Variants in DNAJC12 observed in about 807,000 individuals in gnomAD.
The protein encoded by DNAJC12 is DnaJ heat shock protein family (Hsp40) member C12, also known as dnaJ homolog subfamily C member 12.
In DNAJC12, 25 loss-of-function variants were observed where a neutral mutation model predicts 28.5. That is an observed-to-expected ratio of 0.88 (90% CI 0.64 to 1.22). The LOEUF (loss-of-function observed/expected upper bound fraction) is 1.22. DNAJC12 is among the 50% of genes most tolerant of loss of function. The probability of loss-of-function intolerance (pLI) is 0.00; values close to 1 mark genes in which losing one functional copy is unlikely to be tolerated. For synonymous variants in DNAJC12, 77 were observed against 80.6 expected, an observed-to-expected ratio of 0.95 and a Z score of 0.24; for missense variants, 222 against 231.7, an observed-to-expected ratio of 0.96 and a Z score of 0.27.
intron 3 of DNAJC12, among the ~76,000 whole-genome samples, chr10:67,810,360 AT>A (rs955586541): frequency 3.3e-5 from 5 of 152,072 alleles, no homozygotes; most frequent in African/African-American, 1.2e-4. Flanking sequence ...GCTATTGAAA[AT>A]TTTTTGAAGT....
chr10:67,838,159 C>G lies in DNAJC12; in HGVS notation c.-148G>C, dbSNP rs749523354. On this transcript the variant is annotated 5_prime_UTR_variant, in exon 1 of 5. Transcript: ENST00000225171. Reference sequence around the variant, plus strand: ...TTAAGACTGGCCACAGTCAATACACCAGATGTCATCCTAGACCTTTGTAAA... The same window carrying G: ...TTAAGACTGGCCACAGTCAATACACGAGATGTCATCCTAGACCTTTGTAAA... The G allele has an allele frequency of 1.6e-5, 9 of 565,644 alleles. No homozygotes were observed. Among genetic ancestry groups the G allele is most frequent in the Non-Finnish European group, 2.8e-5 (9 of 321,670 alleles). The allele number at this position is 565,644 out of a possible 1,614,324, so 35.0% of individuals were successfully genotyped here. A position where few individuals can be genotyped will look rare whatever the true frequency, so the allele number is the denominator to read the frequency against.
chr10:67,821,764 C>G (rs1399404341), intron 2 of DNAJC12, among the ~76,000 whole-genome samples: 2 of 152,120 alleles, frequency 1.3e-5, no homozygotes, highest in East Asian at 3.9e-4. Context: ...GGCTTACCTA[C>G]AGCAATGGCA....
At chr10:67,804,549 A>G (rs373081418) in intron 4 of DNAJC12, among the ~76,000 whole-genome samples, 2 of 152,278 alleles carry the variant, frequency 1.3e-5, no homozygotes, top group East Asian at 1.9e-4. Flanking sequence ...TATAATCCCT[A>G]TTTTATAGAT....
At chr10:67,824,001 G>A (rs908284953) in intron 1 of DNAJC12, among the ~76,000 whole-genome samples, 5 of 152,108 alleles carry the variant, frequency 3.3e-5, no homozygotes, top group South Asian at 2.1e-4. Context: ...ACTTTGGGAG[G>A]CTGAGGTGGG....
intron 1 of DNAJC12, chr10:67,834,121 G>A (rs1188521255): frequency 1.1e-5 from 5 of 447,882 alleles, no homozygotes; most frequent in African/African-American, 4.1e-5. Context: ...GTTCATTTTA[G>A]TTTATGTATA....
At chr10:67,800,097 C>A (rs1303071888) in intron 4 of DNAJC12, among the ~76,000 whole-genome samples, 3 of 151,466 alleles carry the variant, frequency 2.0e-5, no homozygotes, top group African/African-American at 7.3e-5. Flanking sequence ...GTGGTGCACA[C>A]CTGCAGTCCC....
At chr10:67,804,676 A>G (rs1841781135) in intron 4 of DNAJC12, among the ~76,000 whole-genome samples, 1 of 152,234 alleles carries the variant, frequency 6.6e-6, no homozygotes, top group African/African-American at 2.4e-5. Context: ...GTAAACTTCT[A>G]TAATACTCTG....
intron 2 of DNAJC12, among the ~76,000 whole-genome samples, chr10:67,814,888 C>T (rs1841898079): frequency 6.6e-6 from 1 of 152,112 alleles, no homozygotes; most frequent in Non-Finnish European, 1.5e-5. Flanking sequence ...GGAACTGTCA[C>T]ACATGACAGG....
intron 2 of DNAJC12, among the ~76,000 whole-genome samples, chr10:67,819,366 C>T (rs1235337969): frequency 6.6e-6 from 1 of 151,606 alleles, no homozygotes; most frequent in East Asian, 1.9e-4. Context: ...GGGCTAGGCT[C>T]GGTGGCACAT....
At chr10:67,834,520 T>G (rs1842124240) in intron 1 of DNAJC12, among the ~76,000 whole-genome samples, 1 of 152,126 alleles carries the variant, frequency 6.6e-6, no homozygotes, top group Non-Finnish European at 1.5e-5. Flanking sequence ...TTACTTCCAT[T>G]TACAGGTTAG....
At chr10:67,837,104 G>T (rs1842148703) in intron 1 of DNAJC12, among the ~76,000 whole-genome samples, 1 of 151,852 alleles carries the variant, frequency 6.6e-6, no homozygotes, top group Non-Finnish European at 1.5e-5. Flanking sequence ...ACTAAAAAGT[G>T]TACAAGGAAA....
At chr10:67,836,315 T>C (rs1189464502) in intron 1 of DNAJC12, among the ~76,000 whole-genome samples, 1 of 150,734 alleles carries the variant, frequency 6.6e-6, no homozygotes, top group Non-Finnish European at 1.5e-5. Flanking sequence ...TGTGTATCTA[T>C]GTAACAAACC....
At chr10:67,826,555 A>C (rs1436617200) in intron 1 of DNAJC12, among the ~76,000 whole-genome samples, 1 of 141,640 alleles carries the variant, frequency 7.1e-6, no homozygotes, top group Non-Finnish European at 1.5e-5. Flanking sequence ...TATATATAAG[A>C]TATCTAATAA....
intron 1 of DNAJC12, among the ~76,000 whole-genome samples, chr10:67,837,342 A>G (rs1217899201): frequency 6.6e-6 from 1 of 152,152 alleles, no homozygotes; most frequent in African/African-American, 2.4e-5. Context: ...TTTATTGAGA[A>G]CTTTAAAAAT....
At position 67,805,644 on chromosome 10, in the gene DNAJC12, C is replaced by T. The variant is rs768833056; in HGVS notation, c.441G>A (p.Thr147=). 24 of 1,613,328 alleles carry T rather than the reference C, an allele frequency of 1.5e-5. No individual in the cohort carries two copies. Among genetic ancestry groups the T allele is most frequent in the South Asian group, 1.4e-4 (13 of 90,992 alleles). Residue 147 remains threonine, a synonymous_variant, in exon 4 of 5, where the codon ACG becomes ACA. Coordinates refer to ENST00000225171, the MANE Select transcript of DNAJC12 (RefSeq NM_021800.3). Reference sequence around the variant, plus strand: ...CTAGGGGCTTGGGTTCTTTCTGCTCCGTTTTCTCTGCGGTTGAAGCCAGCT... The same window carrying T: ...CTAGGGGCTTGGGTTCTTTCTGCTCTGTTTTCTCTGCGGTTGAAGCCAGCT... ...KEELASTAEK[T]EQKEPKPLEK...
chr10:67,825,930 A>C (rs2131810097), intron 1 of DNAJC12, among the ~76,000 whole-genome samples: 1 of 152,286 alleles, frequency 6.6e-6, no homozygotes, highest in Admixed American at 6.5e-5. Context: ...TGAGAACTAG[A>C]CTTGTTTTTA....
At chr10:67,819,539 T>C (rs911286711) in intron 2 of DNAJC12, among the ~76,000 whole-genome samples, 36 of 151,134 alleles carry the variant, frequency 2.4e-4, no homozygotes, top group African/African-American at 8.5e-4. Context: ...CTCGGGAGGC[T>C]GAGGCACGAG....
intron 1 of DNAJC12, chr10:67,825,168 T>C (rs912792137): frequency 6.6e-6 from 1 of 152,214 alleles, no homozygotes; most frequent in Non-Finnish European, 1.5e-5. Context: ...AACCTGATCA[T>C]AATAAGAACT....
intron 1 of DNAJC12, among the ~76,000 whole-genome samples, chr10:67,831,478 C>T (rs1383233723): frequency 6.6e-6 from 1 of 152,156 alleles, no homozygotes; most frequent in Non-Finnish European, 1.5e-5. Context: ...GCCATGGAGA[C>T]TAATCCAATT....
Sources: gnomAD v4.1 joint callset for allele counts (sites outside exome capture counted in the v4.1 genomes callset) on GRCh38, gnomAD v4.1.1 for gene constraint, MANE v1.5 for transcripts, NCBI Gene and HGNC (gene_info 2026-07-23, HGNC 2026-07-21) for gene names.